The following HPR variants were observed in gnomAD, a reference collection of about 807,000 sequenced individuals.
The protein encoded by HPR is Haptoglobin-related locus.
A neutral mutation model predicts 18.5 loss-of-function variants in HPR; 17 were observed. The ratio of observed to expected loss-of-function variants is 0.92; its 90% CI spans 0.63 to 1.38. HPR has a LOEUF of 1.38. HPR is among the 40% of genes most tolerant of loss of function. HPR has a pLI of 0.00. For synonymous variants in HPR, 176 were observed against 165.0 expected (o/e 1.07, Z -0.51); for missense variants, 457 against 432.4 (o/e 1.06, Z -0.51).
intron 1 of HPR, among the ~76,000 whole-genome samples, chr16:72,069,019 A>G (rs2041627067): frequency 1.3e-5 from 2 of 152,194 alleles, no homozygotes; most frequent in African/African-American, 4.8e-5. Flanking sequence ...AAAAAGACAC[A>G]ACGGGTATCC....
In HPR at chr16:72,076,404, C is replaced by A; in HGVS notation, c.370C>A (p.His124Asn). 2.5e-6 allele frequency: 4 copies of A among 1,614,158 alleles called. No individual in the cohort carries two copies. Among genetic ancestry groups the A allele is most frequent in the Non-Finnish European group, 3.4e-6 (4 of 1,180,034 alleles). The change falls in exon 5 of 5, where the codon CAC (histidine) becomes AAC (asparagine). Residue 124 changes from histidine to asparagine, a missense_variant. His to Asn is a moderately conservative substitution (Grantham distance 68). Coordinates refer to ENST00000540303, the MANE Select transcript of HPR (RefSeq NM_020995.4). ...SFPWQAKMVS[H>N]HNLTTGATLI... is the part of the protein sequence containing the mutation. ...TCCCTGGCAGGCTAAGATGGTTTCC[C>A]ACCATAATCTCACCACAGGGGCCAC...
At chr16:72,069,651 C>A (rs1225302334) in intron 1 of HPR, among the ~76,000 whole-genome samples, 3 of 152,136 alleles carry the variant, frequency 2.0e-5, no homozygotes, top group Admixed American at 6.5e-5. Flanking sequence ...TTCTCAGGGT[C>A]TATGGATGTA....
chr16:72,066,847 A>G (rs554028668), intron 1 of HPR, among the ~76,000 whole-genome samples: 19 of 152,244 alleles, frequency 1.2e-4, no homozygotes, highest in African/African-American at 3.6e-4. Flanking sequence ...GTCAAAACCA[A>G]TGTTATCTAC....
chr16:72,073,885 T>G lies in HPR; in HGVS notation c.6-7T>G. 1 of 1,613,998 alleles carries G rather than the reference T, an allele frequency of 6.2e-7. No homozygotes were observed. On this transcript the variant is annotated splice_region_variant and splice_polypyrimidine_tract_variant and intron_variant, in intron 1 of 4. Transcript: ENST00000540303. ...GCTTTCCGCTCCTTCTTGTTTTCTC[T>G]CTGCAGTGACCTGGGAGCTGTCATT...
intron 1 of HPR, among the ~76,000 whole-genome samples, chr16:72,067,423 C>A (rs1302658176): frequency 6.6e-6 from 1 of 152,142 alleles, no homozygotes; most frequent in Non-Finnish European, 1.5e-5. Flanking sequence ...AACCCAGGTT[C>A]AATTTTTGTT....
In HPR at chr16:72,066,933, A is replaced by G. The variant is rs146771685; in HGVS notation, c.5+3673A>G. Among the ~76,000 whole-genome samples the G allele has an allele frequency of 1.6e-3, 248 of 152,282 alleles. 2 individuals are homozygous for G. The highest frequency in any genetic ancestry group is 5.8e-3 in the African/African-American group (240 of 41,544). On this transcript the variant is annotated intron_variant, in intron 1 of 4. Coordinates refer to ENST00000540303, the MANE Select transcript of HPR (RefSeq NM_020995.4). ...GAGCCAGAAACTATAAAAGGTCCCAAGCCTCCCAAACCCAGTTTAGAGAAA... is the reference window on the plus strand; with the variant it reads ...GAGCCAGAAACTATAAAAGGTCCCAGGCCTCCCAAACCCAGTTTAGAGAAA...
At chr16:72,073,463 T>C (rs1478264742) in intron 1 of HPR, among the ~76,000 whole-genome samples, 1 of 152,162 alleles carries the variant, frequency 6.6e-6, no homozygotes, top group Non-Finnish European at 1.5e-5. Context: ...CATCTTTGAG[T>C]TATCTACATT....
In HPR at chr16:72,076,341, C is replaced by A; in HGVS notation, c.307C>A (p.Arg103=). 6.2e-7 allele frequency: 1 copy of A among 1,613,892 alleles called. No individual in the cohort carries two copies. The highest frequency in any genetic ancestry group is 8.5e-7 in the Non-Finnish European group (1 of 1,179,898). ...CAAGAATCCGGCAAACCCAGTGCAG[C>A]GGATCCTGGGTGGACACCTGGATGC... ...KPKNPANPVQ[R]ILGGHLDAKG... Residue 103 remains arginine, a synonymous_variant, in exon 5 of 5, where the codon CGG becomes AGG. Coordinates refer to ENST00000540303, the MANE Select transcript of HPR (RefSeq NM_020995.4).
chr16:72,073,919 G>A lies in HPR; in HGVS notation c.33G>A (p.Leu11=), dbSNP rs746800656. 1.9e-5 allele frequency: 30 copies of A among 1,613,868 alleles called. No homozygotes were observed. Among genetic ancestry groups the A allele is most frequent in the Non-Finnish European group, 2.4e-5 (28 of 1,180,006 alleles). Reference sequence around the variant, plus strand: ...ACCTGGGAGCTGTCATTTCCCTCCTGCTCTGGGGACGACAGCTTTTTGCAC... The same window carrying A: ...ACCTGGGAGCTGTCATTTCCCTCCTACTCTGGGGACGACAGCTTTTTGCAC... MSDLGAVISL[L]LWGRQLFALY... Residue 11 remains leucine (L), a synonymous_variant, in exon 2 of 5, where the codon CTG becomes CTA. Coordinates refer to ENST00000540303, the MANE Select transcript of HPR (RefSeq NM_020995.4).
rs11642506 is a variant in HPR at position 72,073,966 on chromosome 16, C to T, written c.80C>T (p.Thr27Met). 0.058 allele frequency: 93,770 copies of T among 1,613,652 alleles called. 3,132 individuals are homozygous for T. The highest frequency in any genetic ancestry group is 0.064 in the Non-Finnish European group (76,007 of 1,179,874). Residue 27 changes from threonine (T) to methionine (M), a missense_variant, in exon 2 of 5, where the codon ACG becomes ATG. Physicochemically the swap from Thr to Met is moderately conservative, Grantham distance 81. Coordinates refer to ENST00000540303, the MANE Select transcript of HPR (RefSeq NM_020995.4). The stretch of plus-strand genomic sequence containing the variant: ...GCACTGTACTCAGGCAATGATGTCA[C>T]GGATATTTCAGGTCAGTCTTTGAGT... ...LFALYSGNDV[T>M]DISDDRFPKP... is the part of the protein sequence containing the mutation.
chr16:72,068,297 G>A (rs143267873), intron 1 of HPR, among the ~76,000 whole-genome samples: 11 of 152,216 alleles, frequency 7.2e-5, no homozygotes, highest in Admixed American at 1.3e-4. Context: ...TAATAAGTGC[G>A]GGCAAGCGAA....
intron 1 of HPR, among the ~76,000 whole-genome samples, chr16:72,070,983 A>T (rs1455944869): frequency 1.3e-5 from 2 of 152,136 alleles, no homozygotes; most frequent in Non-Finnish European, 2.9e-5. Context: ...GTAACCCCTC[A>T]TTGCTAATTA....
At position 72,076,810 on chromosome 16, in the gene HPR, C is replaced by T; in HGVS notation, c.776C>T (p.Thr259Ile). 6.2e-7 allele frequency: 1 copy of T among 1,614,252 alleles called. No homozygotes were observed. Among genetic ancestry groups the T allele is most frequent in the Non-Finnish European group, 8.5e-7 (1 of 1,180,052 alleles). ...YDCITHYEGSTCPKWKAPKSP... is the reference protein window; with the variant it reads ...YDCITHYEGSICPKWKAPKSP... ...TGCATAACGCATTATGAAGGCAGCA[C>T]ATGCCCCAAATGGAAGGCACCGAAG... Residue 259 changes from threonine to isoleucine, a missense_variant, in exon 5 of 5, where the codon ACA becomes ATA. Thr to Ile is a moderately conservative substitution (Grantham distance 89). Coordinates refer to ENST00000540303, the MANE Select transcript of HPR (RefSeq NM_020995.4).
Position 72,077,216 on chromosome 16 carries a change from GTCAA to G in HPR, c.*141_*144del. On this transcript the variant is annotated 3_prime_UTR_variant, in exon 5 of 5. Coordinates refer to ENST00000540303, the MANE Select transcript of HPR (RefSeq NM_020995.4). ...ATGGGTGCCAGCCCTGCATTGCTGAGTCAATCAATAAAGAGCTTTCTTTTGACCC... is the reference window on the plus strand; with the variant it reads ...ATGGGTGCCAGCCCTGCATTGCTGAGTCAATAAAGAGCTTTCTTTTGACCC... 1 of 830,374 alleles carries G rather than the reference GTCAA, an allele frequency of 1.2e-6. No individual in the cohort carries two copies. The highest frequency in any genetic ancestry group is 1.8e-5 in the South Asian group (1 of 54,242). 51.4% of individuals were successfully genotyped at this position (830,374 alleles called of 1,614,324 possible).
At chr16:72,065,134 C>G (rs919711586) in intron 1 of HPR, among the ~76,000 whole-genome samples, 2 of 152,144 alleles carry the variant, frequency 1.3e-5, no homozygotes, top group African/African-American at 4.8e-5. Context: ...TTACCTCATA[C>G]GGCTTAGCCT....
intron 2 of HPR, 46 bp downstream of exon 2, chr16:72,074,023 C>G: frequency 6.2e-7 from 1 of 1,610,722 alleles, no homozygotes; most frequent in Non-Finnish European, 8.5e-7. Flanking sequence ...GGCACTGCCA[C>G]ATCCCACTCT....
intron 1 of HPR, among the ~76,000 whole-genome samples, chr16:72,071,267 G>C (rs2041652411): frequency 6.6e-6 from 1 of 152,198 alleles, no homozygotes; most frequent in South Asian, 2.1e-4. Context: ...TAGCCCTAGA[G>C]ACAGGATGTC....
Position 72,077,096 on chromosome 16 carries a change from G to T in HPR, c.*15G>T. 3.8e-6 allele frequency: 6 copies of T among 1,596,032 alleles called. No individual in the cohort carries two copies. Among genetic ancestry groups the T allele is most frequent in the Non-Finnish European group, 5.1e-6 (6 of 1,168,172 alleles). ...CTGAGAACTAATGCAAGGCTGGCCG[G>T]AAGCCCTTGCCTGAAAGCAAGATTT... On this transcript the variant is annotated 3_prime_UTR_variant, in exon 5 of 5. Transcript: ENST00000540303.
rs773674981 is a variant in HPR at position 72,076,781 on chromosome 16, C to T, written c.747C>T (p.Tyr249=). The T allele has an allele frequency of 2.2e-5, 35 of 1,614,076 alleles. No homozygotes were observed. In the East Asian group the frequency reaches 2.2e-4, roughly 10 times the overall value. ...TCATGCTGCCTGTGGCTGACCAATA[C>T]GATTGCATAACGCATTATGAAGGCA... ...KYVMLPVADQ[Y]DCITHYEGST... The change falls in exon 5 of 5, where the codon TAC becomes TAT. Residue 249 remains tyrosine (Y), a synonymous_variant. Coordinates refer to ENST00000540303, the MANE Select transcript of HPR (RefSeq NM_020995.4).
Sources: gnomAD v4.1 joint callset for allele counts (sites outside exome capture counted in the v4.1 genomes callset) on GRCh38, gnomAD v4.1.1 for gene constraint, MANE v1.5 for transcripts, NCBI Gene and HGNC (gene_info 2026-07-23, HGNC 2026-07-21) for gene names.